Variants in ZNF536 observed in about 807,000 individuals in gnomAD.
ZNF536 encodes zinc finger protein 536.
In ZNF536, 13 loss-of-function variants were observed where a neutral mutation model predicts 84.5. The ratio of observed to expected loss-of-function variants is 0.15; its 90% confidence interval spans 0.10 to 0.24. ZNF536 has a LOEUF of 0.24. ZNF536 is among the 10% of genes least tolerant of loss of function. ZNF536 has a pLI of 1.00. For missense variants in ZNF536, 1,536 were observed against 1,747.5 expected (o/e 0.88, Z 2.16); for synonymous variants, 811 against 742.5 (o/e 1.09, Z -1.50).
At chr19:30,505,514 G>A (rs909311941) in intron 2 of ZNF536, among the ~76,000 whole-genome samples, 1 of 149,708 alleles carries the variant, frequency 6.7e-6, no homozygotes, top group Non-Finnish European at 1.5e-5. Flanking sequence ...ATGTATATTA[G>A]ATAGCCAAAG....
chr19:30,227,339 AGTTAGGTG>A (rs1014091751), upstream of ZNF536, among the ~76,000 whole-genome samples: 4 of 151,578 alleles, frequency 2.6e-5, no homozygotes, highest in Admixed American at 6.6e-5. Context: ...ACCGTTCCCG[AGTTAGGTG>A]GAGGATTGGA....
At chr19:30,527,625 C>T (rs1295656309) in intron 2 of ZNF536, among the ~76,000 whole-genome samples, 2 of 150,788 alleles carry the variant, frequency 1.3e-5, no homozygotes, top group African/African-American at 2.4e-5. Flanking sequence ...GATACTGACC[C>T]GAGGCATGAG....
chr19:30,478,881 A>G (rs555958938), intron 2 of ZNF536, among the ~76,000 whole-genome samples: 70 of 152,290 alleles, frequency 4.6e-4, no homozygotes, highest in African/African-American at 1.6e-3. Flanking sequence ...ACGATGCATC[A>G]TCTGTGTAGG....
intron 1 of ZNF536, among the ~76,000 whole-genome samples, chr19:30,278,190 C>T (rs1320540555): frequency 2.6e-5 from 4 of 152,138 alleles, no homozygotes; most frequent in Non-Finnish European, 4.4e-5. Context: ...GGAGAAGCAC[C>T]AGGATTCCTG....
chr19:30,317,297 GCTGGGTC>G (rs2046711052), intron 2 of ZNF536, among the ~76,000 whole-genome samples: 1 of 152,144 alleles, frequency 6.6e-6, no homozygotes, highest in Non-Finnish European at 1.5e-5. Flanking sequence ...AGGTTACCCA[GCTGGGTC>G]CTGTCAGAGC....
chr19:30,671,700 C>G (rs571430030), intron 1 of ZNF536, among the ~76,000 whole-genome samples: 2 of 152,250 alleles, frequency 1.3e-5, no homozygotes, highest in East Asian at 3.9e-4. Flanking sequence ...GTTTATAGCA[C>G]CTGCGCTATC....
intron 2 of ZNF536, among the ~76,000 whole-genome samples, chr19:30,510,310 G>T (rs1423842465): frequency 6.6e-6 from 1 of 152,208 alleles, no homozygotes; most frequent in African/African-American, 2.4e-5. Context: ...TACGCAGATT[G>T]TTAATGTGCC....
At chr19:30,531,572 A>G (rs2044822378) in intron 2 of ZNF536, among the ~76,000 whole-genome samples, 1 of 151,858 alleles carries the variant, frequency 6.6e-6, no homozygotes, top group South Asian at 2.1e-4. Context: ...GTCGATAGGT[A>G]ATTTTTCAAC....
intron 2 of ZNF536, among the ~76,000 whole-genome samples, chr19:30,471,862 G>GT (rs1235584768): frequency 1.3e-5 from 2 of 152,134 alleles, no homozygotes; most frequent in Non-Finnish European, 2.9e-5. Context: ...TTATTTTTAA[G>GT]TTTTTTTAAA....
intron 1 of ZNF536, among the ~76,000 whole-genome samples, chr19:30,653,496 T>C (rs1489979061): frequency 6.6e-6 from 1 of 152,236 alleles, no homozygotes; most frequent in Admixed American, 6.5e-5. Flanking sequence ...TTGCTTTCAA[T>C]TGGTTGCACA....
intron 3 of ZNF536, among the ~76,000 whole-genome samples, chr19:30,536,724 A>G (rs1275429085): frequency 6.6e-6 from 1 of 151,910 alleles, no homozygotes; most frequent in Non-Finnish European, 1.5e-5. Flanking sequence ...GAACACAGGA[A>G]CCTATCAGAA....
At chr19:30,251,304 T>C (rs2024597593) in intron 1 of ZNF536, among the ~76,000 whole-genome samples, 1 of 152,152 alleles carries the variant, frequency 6.6e-6, no homozygotes, top group African/African-American at 2.4e-5. Context: ...AATGATGAAA[T>C]GATGGTTCAC....
intron 1 of ZNF536, among the ~76,000 whole-genome samples, chr19:30,648,180 G>A (rs985179730): frequency 4.5e-4 from 68 of 152,082 alleles, no homozygotes; most frequent in African/African-American, 1.6e-3. Flanking sequence ...GCACACCCAC[G>A]GGCTTTCAGA....
intron 1 of ZNF536, among the ~76,000 whole-genome samples, chr19:30,690,431 A>G (rs1399750845): frequency 6.6e-6 from 1 of 152,208 alleles, no homozygotes; most frequent in Non-Finnish European, 1.5e-5. Flanking sequence ...CATTTAGTTC[A>G]CATTCAGGTC....
intron 1 of ZNF536, among the ~76,000 whole-genome samples, chr19:30,271,141 A>G (rs185701370): frequency 3.9e-5 from 6 of 152,276 alleles, no homozygotes; most frequent in Admixed American, 3.9e-4. Flanking sequence ...TTACCATGCA[A>G]TAGGCAAAGA....
intron 2 of ZNF536, among the ~76,000 whole-genome samples, chr19:30,303,551 G>A (rs1439259357): frequency 6.6e-6 from 1 of 151,536 alleles, no homozygotes; most frequent in East Asian, 1.9e-4. Flanking sequence ...TGCCCAGGCT[G>A]GAGTGCAGTG....
intron 2 of ZNF536, among the ~76,000 whole-genome samples, chr19:30,319,574 C>G (rs2046791265): frequency 6.6e-6 from 1 of 152,190 alleles, no homozygotes; most frequent in Non-Finnish European, 1.5e-5. Context: ...TTGCAAATTG[C>G]AGGGCAGATT....
At chr19:30,298,971 T>C (rs1010690498) in intron 2 of ZNF536, among the ~76,000 whole-genome samples, 5 of 151,876 alleles carry the variant, frequency 3.3e-5, no homozygotes, top group Admixed American at 3.3e-4. Context: ...AAAAATAATC[T>C]GCATTTTAGG....
intron 1 of ZNF536, among the ~76,000 whole-genome samples, chr19:30,684,147 A>G (rs1211748524): frequency 6.6e-6 from 1 of 152,146 alleles, no homozygotes; most frequent in Non-Finnish European, 1.5e-5. Context: ...ATACATATAT[A>G]TATTTGAGAT....
Sources: allele counts gnomAD v4.1 joint callset (sites outside exome capture counted in the v4.1 genomes callset), GRCh38; gene constraint gnomAD v4.1.1; transcripts MANE v1.5; gene names NCBI Gene and HGNC (gene_info 2026-07-23, HGNC 2026-07-21).